PDXP: variants seen among roughly 807,000 people sequenced by gnomAD.
The protein encoded by PDXP is chronophin.
In PDXP, 15 loss-of-function variants were observed where a neutral mutation model predicts 14.4. The observed-to-expected ratio is 1.04, with a 90% confidence interval of 0.70 to 1.60. PDXP has a LOEUF of 1.60. PDXP is among the 40% of genes most tolerant of loss of function. PDXP has a pLI of 0.00. For missense variants in PDXP, 413 were observed against 427.6 expected, an observed-to-expected ratio of 0.97 and a Z score of 0.30; for synonymous variants, 233 against 205.6, an observed-to-expected ratio of 1.13 and a Z score of -1.14.
intron 1 of PDXP, among the ~76,000 whole-genome samples, chr22:37,660,141 A>G (rs1601595483): frequency 6.6e-6 from 1 of 152,180 alleles, no homozygotes; most frequent in African/African-American, 2.4e-5. Flanking sequence ...CTATCATTGC[A>G]TCTGTGAAAA....
In PDXP at chr22:37,659,315, G is replaced by GT. The variant is rs1933153740; in HGVS notation, c.534dup (p.Asp179Ter). ...GAGTGCCTACTCGTGGCCACCGACC[G>GT]TGACCCATGGCACCCGCTGAGCGAC... On this transcript the variant is annotated frameshift_variant, in exon 1 of 2. Transcript: ENST00000215904. LOFTEE classifies it high-confidence loss of function. 7.7e-7 allele frequency: 1 copy of GT among 1,303,716 alleles called. No homozygotes were observed. Among genetic ancestry groups the GT allele is most frequent in the Non-Finnish European group, 9.8e-7 (1 of 1,023,862 alleles). 80.8% of individuals were successfully genotyped at this position (1,303,716 alleles called of 1,614,324 possible). A position where few individuals can be genotyped will look rare whatever the true frequency, so the allele number is the denominator to read the frequency against.
chr22:37,665,547 C>G lies in PDXP; in HGVS notation c.575-8C>G, dbSNP rs1921043589. The G allele has an allele frequency of 5.0e-6, 8 of 1,596,626 alleles. No homozygotes were observed. In the East Asian group the frequency reaches 1.1e-4, roughly 22 times the overall value. ...CCTCCTGCTGACTGCGTCTCCATCTCCCTACAGGCACCGGGAGCCTGGCCG... is the reference window on the plus strand; with the variant it reads ...CCTCCTGCTGACTGCGTCTCCATCTGCCTACAGGCACCGGGAGCCTGGCCG... On this transcript the variant is annotated splice_polypyrimidine_tract_variant and splice_region_variant and intron_variant, in intron 1 of 1. Coordinates refer to ENST00000215904, the MANE Select transcript of PDXP (RefSeq NM_020315.5).
At chr22:37,662,530 C>T (rs1601596273) in intron 1 of PDXP, among the ~76,000 whole-genome samples, 1 of 152,236 alleles carries the variant, frequency 6.6e-6, no homozygotes, top group Admixed American at 6.5e-5. Context: ...GCAGTCAGTC[C>T]CTGAACGTGG....
chr22:37,659,753 T>C (rs1003477662), intron 1 of PDXP, among the ~76,000 whole-genome samples: 44 of 152,146 alleles, frequency 2.9e-4, no homozygotes, highest in African/African-American at 1.1e-3. Context: ...TTGACCTCAG[T>C]TCCAGGTCCA....
chr22:37,665,151 G>A (rs1401153709), intron 1 of PDXP: 1 of 225,670 alleles, frequency 4.4e-6, no homozygotes, highest in Non-Finnish European at 8.8e-6. Context: ...GAGAAACTTG[G>A]GGTGGTTGAG....
chr22:37,663,919 C>T (rs1321528104), intron 1 of PDXP, among the ~76,000 whole-genome samples: 5 of 98,308 alleles, frequency 5.1e-5, no homozygotes, highest in Admixed American at 1.0e-4. Context: ...AATACGTTGA[C>T]TTTTTTTTTT....
rs1364868059 is a variant in PDXP at position 37,666,154 on chromosome 22, TG to T, written c.*286del. Reference sequence around the variant, plus strand: ...CCTGTCACCTCCCCTCCTTGAAATCTGGGCCCTGGTGCCTGCTGAAGATTCC... The same window carrying T: ...CCTGTCACCTCCCCTCCTTGAAATCTGGCCCTGGTGCCTGCTGAAGATTCC... On this transcript the variant is annotated 3_prime_UTR_variant, in exon 2 of 2. Coordinates refer to ENST00000215904, the MANE Select transcript of PDXP (RefSeq NM_020315.5). 1.9e-6 allele frequency: 1 copy of T among 513,024 alleles called. No individual in the cohort carries two copies. The highest frequency in any genetic ancestry group is 3.6e-6 in the Non-Finnish European group (1 of 276,362). 31.8% of individuals were successfully genotyped at this position (513,024 alleles called of 1,614,324 possible).
At chr22:37,662,846 G>T (rs1933230488) in intron 1 of PDXP, among the ~76,000 whole-genome samples, 1 of 151,654 alleles carries the variant, frequency 6.6e-6, no homozygotes, top group Admixed American at 6.6e-5. Flanking sequence ...AAATAAGCTG[G>T]GTGTGGTGAC....
chr22:37,662,540 G>C (rs1337138143), intron 1 of PDXP, among the ~76,000 whole-genome samples: 2 of 152,170 alleles, frequency 1.3e-5, no homozygotes, highest in Non-Finnish European at 1.5e-5. Flanking sequence ...CCTGAACGTG[G>C]GGTCAGGAAG....
intron 1 of PDXP, among the ~76,000 whole-genome samples, chr22:37,663,196 C>T (rs1476964307): frequency 2.2e-5 from 3 of 137,642 alleles, no homozygotes; most frequent in Admixed American, 7.4e-5. Flanking sequence ...CCCAGCTACT[C>T]GGGTGGCTGA....
chr22:37,664,123 T>C (rs1436554704), intron 1 of PDXP, among the ~76,000 whole-genome samples: 1 of 151,776 alleles, frequency 6.6e-6, no homozygotes, highest in African/African-American at 2.4e-5. Flanking sequence ...TAGAGACGGA[T>C]TTTTACCATG....
In PDXP at chr22:37,666,079, C is replaced by A; in HGVS notation, c.*208C>A. ...ACTCTTTGCTGCCCCAGAAGCTGGT[C>A]CCCTATGGATTCATCTTGGCCTGAC... On this transcript the variant is annotated 3_prime_UTR_variant, in exon 2 of 2. Coordinates refer to ENST00000215904, the MANE Select transcript of PDXP (RefSeq NM_020315.5). 3.2e-6 allele frequency: 2 copies of A among 618,620 alleles called. No homozygotes were observed. 38.3% of individuals were successfully genotyped at this position (618,620 alleles called of 1,614,324 possible). A position where few individuals can be genotyped will look rare whatever the true frequency, so the allele number is the denominator to read the frequency against.
rs751849426 is a variant in PDXP, at chr22:37,659,374, G to A, written c.574+18G>A. The stretch of plus-strand genomic sequence containing the variant: ...GACCCCTGGTGAGCGCGGGAATGGC[G>A]GGGAAACTGAGATGGGGGCGACCTG... On this transcript the variant is annotated intron_variant, in intron 1 of 1. Transcript: ENST00000215904. 2.4e-5 allele frequency: 31 copies of A among 1,293,812 alleles called. No individual in the cohort carries two copies. In the South Asian group the frequency reaches 8.7e-4, roughly 36 times the overall value. The allele number at this position is 1,293,812 out of a possible 1,614,324, so 80.1% of individuals were successfully genotyped here.
chr22:37,659,313 C>G lies in PDXP; in HGVS notation c.531C>G (p.Asp177Glu). 1 of 1,304,346 alleles carries G rather than the reference C, an allele frequency of 7.7e-7. No individual in the cohort carries two copies. Among genetic ancestry groups the G allele is most frequent in the Non-Finnish European group, 9.8e-7 (1 of 1,024,112 alleles). The allele number at this position is 1,304,346 out of a possible 1,614,324, so 80.8% of individuals were successfully genotyped here. ...RDPECLLVATDRDPWHPLSDG... is the reference protein window; with the variant it reads ...RDPECLLVATERDPWHPLSDG... ...CCGAGTGCCTACTCGTGGCCACCGACCGTGACCCATGGCACCCGCTGAGCG... is the reference window on the plus strand; with the variant it reads ...CCGAGTGCCTACTCGTGGCCACCGAGCGTGACCCATGGCACCCGCTGAGCG... Residue 177 changes from aspartate to glutamate, a missense_variant, in exon 1 of 2, where the codon GAC (aspartate) becomes GAG (glutamate). Asp to Glu is a conservative substitution (Grantham distance 45). Coordinates refer to ENST00000215904, the MANE Select transcript of PDXP (RefSeq NM_020315.5).
Position 37,658,955 on chromosome 22 carries a change from G to A in PDXP, c.173G>A (p.Ser58Asn). ...GCCGGCAAGGCGGCTCTGTTTGTGA[G>A]CAACAACAGCCGGCGCGCGCGGCCC... ...ARAGKAALFV[S>N]NNSRRARPEL... is the part of the protein sequence containing the mutation. Residue 58 changes from serine (S) to asparagine (N), a missense_variant, in exon 1 of 2, where the codon AGC (serine) becomes AAC (asparagine). Transcript: ENST00000215904. The A allele has an allele frequency of 8.3e-7, 1 of 1,211,076 alleles. No homozygotes were observed. Among genetic ancestry groups the A allele is most frequent in the Non-Finnish European group, 1.0e-6 (1 of 972,476 alleles). The allele number at this position is 1,211,076 out of a possible 1,614,324, so 75.0% of individuals were successfully genotyped here.
At chr22:37,659,435 G>A (rs1010001177) in intron 1 of PDXP, 79 bp downstream of exon 1, 3 of 1,106,240 alleles carry the variant, frequency 2.7e-6, no homozygotes, top group Admixed American at 3.7e-5. Flanking sequence ...GAGGGGCGGG[G>A]AAGAGGCGTC....
intron 1 of PDXP, among the ~76,000 whole-genome samples, chr22:37,660,852 C>T (rs1244301351): frequency 6.6e-6 from 1 of 152,114 alleles, no homozygotes; most frequent in Non-Finnish European, 1.5e-5. Flanking sequence ...GATAATACAC[C>T]AGGAGATGTA....
intron 1 of PDXP, among the ~76,000 whole-genome samples, chr22:37,664,429 A>G (rs762327994): frequency 6.6e-6 from 1 of 152,050 alleles, no homozygotes; most frequent in Non-Finnish European, 1.5e-5. Context: ...TCCTTTAACA[A>G]CCAGCTCATA....
chr22:37,658,856 ACTGTGAC>A lies in PDXP; in HGVS notation c.75_81del (p.Asp25GlufsTer31), dbSNP rs963747182. 2 of 1,212,520 alleles carry A rather than the reference ACTGTGAC, an allele frequency of 1.6e-6. No homozygotes were observed. Among genetic ancestry groups the A allele is most frequent in the African/African-American group, 3.2e-5 (2 of 63,368 alleles). The allele number at this position is 1,212,520 out of a possible 1,614,324, so 75.1% of individuals were successfully genotyped here. A position where few individuals can be genotyped will look rare whatever the true frequency, so the allele number is the denominator to read the frequency against. On this transcript the variant is annotated frameshift_variant, in exon 1 of 2. Coordinates refer to ENST00000215904, the MANE Select transcript of PDXP (RefSeq NM_020315.5). LOFTEE classifies it high-confidence loss of function. Reference sequence around the variant, plus strand: ...GGCCGGGCGCAGGGGGTCCTGTTCGACTGTGACGGGGTGCTGTGGAACGGCGAGCGCG... The same window carrying A: ...GGCCGGGCGCAGGGGGTCCTGTTCGAGGGGTGCTGTGGAACGGCGAGCGCG...
Sources: gnomAD v4.1 joint callset for allele counts (sites outside exome capture counted in the v4.1 genomes callset) on GRCh38, gnomAD v4.1.1 for gene constraint, MANE v1.5 for transcripts, NCBI Gene and HGNC (gene_info 2026-07-23, HGNC 2026-07-21) for gene names.